The following ZNF723 variants were observed in gnomAD, a reference collection of about 807,000 sequenced individuals.
ZNF723 encodes zinc finger protein 723.
Under a neutral mutation model 9.4 loss-of-function variants are expected in ZNF723, and 5 were observed. That is an observed-to-expected ratio of 0.53 (90% confidence interval 0.28 to 1.12). The LOEUF is 1.12. ZNF723 is among the 50% of genes most tolerant of loss of function. ZNF723 has a pLI of 0.10. For missense variants in ZNF723, 450 were observed against 501.5 expected (o/e 0.90, Z 0.98); for synonymous variants, 158 against 168.8 (o/e 0.94, Z 0.49).
At chr19:22,851,699 G>C (rs1011350354) in intron 3 of ZNF723, among the ~76,000 whole-genome samples, 8 of 152,048 alleles carry the variant, frequency 5.3e-5, no homozygotes, top group African/African-American at 1.7e-4. Flanking sequence ...CTGTGTTAGT[G>C]GTGATGAACT....
At chr19:22,818,325 C>A in the ZNF723 span, among the ~76,000 whole-genome samples, 1 of 152,152 alleles carries the variant, frequency 6.6e-6, no homozygotes. Flanking sequence ...TGTCATCCTT[C>A]CACATGAATA....
chr19:22,838,404 TA>T (rs1486871569), intron 1 of ZNF723, among the ~76,000 whole-genome samples: 1 of 151,798 alleles, frequency 6.6e-6, no homozygotes, highest in Non-Finnish European at 1.5e-5. Flanking sequence ...ACACAAAAAT[TA>T]GCCGGGCGTG....
At chr19:22,835,957 T>C (rs1355180595) in intron 1 of ZNF723, among the ~76,000 whole-genome samples, 5 of 152,222 alleles carry the variant, frequency 3.3e-5, no homozygotes, top group Non-Finnish European at 5.9e-5. Flanking sequence ...TTGGGTTTTC[T>C]TGTTGAGGTA....
chr19:22,833,926 CTTTTTTTTT>C (rs34792208), intron 1 of ZNF723, among the ~76,000 whole-genome samples: 1 of 89,316 alleles, frequency 1.1e-5, no homozygotes, highest in African/African-American at 4.4e-5. Flanking sequence ...TTTTAGCGTA[CTTTTTTTTT>C]TTTTTTTTTT....
the ZNF723 span, among the ~76,000 whole-genome samples, chr19:22,821,404 G>T: frequency 2.0e-5 from 3 of 152,172 alleles, no homozygotes; most frequent in South Asian, 6.2e-4. Context: ...CATCGCCTAG[G>T]TTATATATTC....
rs552141580 is a variant in ZNF723 at position 22,858,534 on chromosome 19, G to C, written c.*101G>C. ...TGTAATCCCAGCACTTTGGGAGGCC[G>C]AGGCGGGCAGATCACCTGAGGTCAG... is the stretch of plus-strand genomic sequence containing the variant. On this transcript the variant is annotated 3_prime_UTR_variant, in exon 4 of 4. Coordinates refer to ENST00000600766, the MANE Select transcript of ZNF723 (RefSeq NM_001349726.2). 1 of 565,012 alleles carries C rather than the reference G, an allele frequency of 1.8e-6. No homozygotes were observed. Among genetic ancestry groups the C allele is most frequent in the African/African-American group, 1.9e-5 (1 of 53,110 alleles). 35.0% of individuals were successfully genotyped at this position (565,012 alleles called of 1,614,324 possible). A position where few individuals can be genotyped will look rare whatever the true frequency, so the allele number is the denominator to read the frequency against.
At chr19:22,843,457 A>G (rs1450166796) in intron 1 of ZNF723, among the ~76,000 whole-genome samples, 2 of 152,226 alleles carry the variant, frequency 1.3e-5, no homozygotes, top group African/African-American at 4.8e-5. Context: ...GTTTTCAGAT[A>G]CTTGGGTGAA....
the ZNF723 span, among the ~76,000 whole-genome samples, chr19:22,822,898 C>G: frequency 1.3e-5 from 2 of 152,158 alleles, no homozygotes; most frequent in Non-Finnish European, 2.9e-5. Flanking sequence ...TAGGCATACC[C>G]TGCCAACAAT....
At chr19:22,831,179 C>T (rs1967089256), upstream of ZNF723, among the ~76,000 whole-genome samples, 1 of 152,190 alleles carries the variant, frequency 6.6e-6, no homozygotes, top group African/African-American at 2.4e-5. Context: ...CTTGTTTGCT[C>T]AGGACAGTAG....
chr19:22,856,870 A>G (rs1460717168), intron 3 of ZNF723, among the ~76,000 whole-genome samples: 1 of 152,214 alleles, frequency 6.6e-6, no homozygotes, highest in Non-Finnish European at 1.5e-5. Context: ...GGTAGATGCA[A>G]TAAACTTTTC....
At chr19:22,813,422 G>T in the ZNF723 span, among the ~76,000 whole-genome samples, 1 of 152,116 alleles carries the variant, frequency 6.6e-6, no homozygotes, top group African/African-American at 2.4e-5. Flanking sequence ...GGTTGGAGGG[G>T]GGAGGATTGC....
chr19:22,833,468 C>G (rs1967124006), intron 1 of ZNF723, among the ~76,000 whole-genome samples: 2 of 151,410 alleles, frequency 1.3e-5, no homozygotes, highest in Admixed American at 1.3e-4. Context: ...GCATTTTTCA[C>G]ATGTTTTTCA....
At chr19:22,847,726 CAT>C (rs1967333162) in intron 1 of ZNF723, among the ~76,000 whole-genome samples, 1 of 152,086 alleles carries the variant, frequency 6.6e-6, no homozygotes. Context: ...AGAAAAGTAT[CAT>C]ATATACACTG....
At chr19:22,819,138 C>T in the ZNF723 span, among the ~76,000 whole-genome samples, 3 of 152,198 alleles carry the variant, frequency 2.0e-5, no homozygotes, top group African/African-American at 4.8e-5. Context: ...TCTGCTTTGG[C>T]CCTGCCCTCA....
At chr19:22,813,292 A>G in the ZNF723 span, among the ~76,000 whole-genome samples, 16 of 152,224 alleles carry the variant, frequency 1.1e-4, no homozygotes, top group East Asian at 2.7e-3. Flanking sequence ...GTCTCTGCTT[A>G]GTACTTGAGT....
chr19:22,838,306 C>T lies in ZNF723; in HGVS notation c.3+5924C>T, dbSNP rs144061150. On this transcript the variant is annotated intron_variant, in intron 1 of 3. Transcript: ENST00000600766. ...CGGTGGCTCACACTTGTAATCCCAG[C>T]ACTTTGGGAGGCTGAGGCGAGTGGA... Among the ~76,000 whole-genome samples, 824 of 152,220 alleles carry T rather than the reference C, an allele frequency of 5.4e-3. 7 individuals are homozygous for T. The highest frequency in any genetic ancestry group is 9.7e-3 in the Admixed American group (148 of 15,286).
the ZNF723 span, among the ~76,000 whole-genome samples, chr19:22,823,303 T>C: frequency 6.6e-6 from 1 of 152,168 alleles, no homozygotes; most frequent in South Asian, 2.1e-4. Flanking sequence ...ATTTTCACCT[T>C]CTTAAATAGC....
At chr19:22,815,163 G>A in the ZNF723 span, among the ~76,000 whole-genome samples, 2 of 152,052 alleles carry the variant, frequency 1.3e-5, no homozygotes, top group Non-Finnish European at 2.9e-5. Flanking sequence ...CTACTTTTCT[G>A]TTTTTCCTGG....
chr19:22,820,985 A>G, the ZNF723 span, among the ~76,000 whole-genome samples: 1 of 152,194 alleles, frequency 6.6e-6, no homozygotes, highest in African/African-American at 2.4e-5. Context: ...ACTCTCATAC[A>G]TGGATCTTGT....
Sources: gnomAD v4.1 joint callset for allele counts (sites outside exome capture counted in the v4.1 genomes callset) on GRCh38, gnomAD v4.1.1 for gene constraint, MANE v1.5 for transcripts, NCBI Gene and HGNC (gene_info 2026-07-23, HGNC 2026-07-21) for gene names.